The following PTPRD variants were observed in gnomAD, a reference collection of about 807,000 sequenced individuals.
PTPRD encodes the protein protein tyrosine phosphatase receptor type D.
A neutral mutation model predicts 214.5 loss-of-function variants in PTPRD; 34 were observed. The ratio of observed to expected loss-of-function variants is 0.16; its 90% CI spans 0.12 to 0.21. The LOEUF is 0.21. Ranked by LOEUF, PTPRD falls within the 10% of genes least tolerant of loss-of-function variation. The pLI, the probability that PTPRD is intolerant of heterozygous loss-of-function variation, is 1.00. For missense variants in PTPRD, 2,545 were observed against 2,398.7 expected (o/e 1.06, Z -1.27); for synonymous variants, 1,128 against 845.7 (o/e 1.33, Z -5.79).
Position 8,485,748 on chromosome 9 carries a change from C to G in PTPRD, c.3055+14G>C, listed in dbSNP as rs370939948. 1.9e-6 allele frequency: 3 copies of G among 1,595,888 alleles called. No homozygotes were observed. The highest frequency in any genetic ancestry group is 2.7e-5 in the African/African-American group (2 of 74,468). On this transcript the variant is annotated intron_variant, in intron 28 of 45. Transcript: ENST00000381196. ...TCCTTTAAAGGAGGAAGGCCGTAAG[C>G]AGACAAATCCTACCTTGATCCACAG...
intron 3 of PTPRD, among the ~76,000 whole-genome samples, chr9:10,225,958 A>G (rs1486155820): frequency 6.6e-6 from 1 of 152,026 alleles, no homozygotes; most frequent in Admixed American, 6.6e-5. Context: ...CTTATGCCAG[A>G]CCTTATGCTA....
intron 39 of PTPRD, among the ~76,000 whole-genome samples, chr9:8,368,087 G>A (rs775873658): frequency 3.9e-5 from 6 of 152,092 alleles, no homozygotes; most frequent in Non-Finnish European, 8.8e-5. Flanking sequence ...TATGTGCTAG[G>A]AGCCATCTCA....
rs945209381 is a variant in PTPRD, at chr9:9,208,299, C to A, written c.-202-24936G>T. 2.0e-5 allele frequency among the ~76,000 whole-genome samples: 3 copies of A among 151,802 alleles called. No individual in the cohort carries two copies. The East Asian group carries it at 5.9e-4, about 30-fold the overall frequency. On this transcript the variant is annotated intron_variant, in intron 9 of 45. Transcript: ENST00000381196. ...AAAGTGCTGGGATTACAGGCGTGAG[C>A]CACCAAGCCCCGCCATCTGCTTGTA...
Position 8,731,630 on chromosome 9 carries a change from AT to A in PTPRD, c.64+2149del, listed in dbSNP as rs1195919985. Among the ~76,000 whole-genome samples the A allele has an allele frequency of 2.0e-5, 3 of 152,344 alleles. No individual in the cohort carries two copies. In the East Asian group the frequency reaches 5.8e-4, roughly 29 times the overall value. ...CCTATTTTACCAATTGTTTTTAAAC[AT>A]TTTTAGTGACTAAAATGATATCTCC... On this transcript the variant is annotated intron_variant, in intron 12 of 45. Coordinates refer to ENST00000381196, the MANE Select transcript of PTPRD (RefSeq NM_002839.4).
chr9:10,252,707 T>TA (rs747128828), intron 3 of PTPRD, among the ~76,000 whole-genome samples: 118 of 152,322 alleles, frequency 7.7e-4, no homozygotes, highest in Non-Finnish European at 4.7e-4. Context: ...CATTATTTTT[T>TA]ACTTAAAAAA....
chr9:8,934,813 A>G (rs1016825385), intron 11 of PTPRD, among the ~76,000 whole-genome samples: 4 of 151,652 alleles, frequency 2.6e-5, no homozygotes, highest in African/African-American at 9.7e-5. Context: ...TACTCTCTGC[A>G]TCTGTATGTT....
intron 11 of PTPRD, among the ~76,000 whole-genome samples, chr9:8,828,340 C>T (rs1002819529): frequency 4.6e-5 from 7 of 152,124 alleles, no homozygotes; most frequent in African/African-American, 1.7e-4. Flanking sequence ...CCCTTGTGAA[C>T]AGGAATAGTG....
intron 7 of PTPRD, among the ~76,000 whole-genome samples, chr9:9,623,980 C>A (rs577371542): frequency 6.6e-6 from 1 of 152,120 alleles, no homozygotes; most frequent in South Asian, 2.1e-4. Context: ...TTTTGTGGGT[C>A]TGGAAACTCA....
At chr9:8,685,962 G>C (rs1270943159) in intron 12 of PTPRD, among the ~76,000 whole-genome samples, 2 of 152,174 alleles carry the variant, frequency 1.3e-5, no homozygotes, top group Non-Finnish European at 2.9e-5. Flanking sequence ...GCTTTCAGCG[G>C]CTCATTTTGA....
intron 9 of PTPRD, among the ~76,000 whole-genome samples, chr9:9,256,507 C>T (rs75498167): frequency 0.017 from 2,598 of 151,872 alleles, 64 homozygotes; most frequent in African/African-American, 0.05. Context: ...GCCCTAAACG[C>T]TGACCTAATA....
intron 3 of PTPRD, among the ~76,000 whole-genome samples, chr9:10,315,373 C>G (rs546191239): frequency 6.6e-6 from 1 of 151,954 alleles, no homozygotes; most frequent in South Asian, 2.1e-4. Flanking sequence ...GACCTAATAT[C>G]ATAAATGTCT....
At chr9:8,813,373 G>A (rs1253508635) in intron 11 of PTPRD, among the ~76,000 whole-genome samples, 1 of 152,150 alleles carries the variant, frequency 6.6e-6, no homozygotes, top group African/African-American at 2.4e-5. Context: ...GCTACAAACA[G>A]AATGCATCTT....
At chr9:10,086,593 A>G (rs976074401) in intron 3 of PTPRD, among the ~76,000 whole-genome samples, 2 of 151,838 alleles carry the variant, frequency 1.3e-5, no homozygotes, top group Non-Finnish European at 2.9e-5. Flanking sequence ...TTAGGCAAGC[A>G]AAGTGTTCCT....
In PTPRD at chr9:9,751,305, G is replaced by A. The variant is rs143429761; in HGVS notation, c.-326+15505C>T. 5.9e-5 allele frequency among the ~76,000 whole-genome samples: 9 copies of A among 152,176 alleles called. No homozygotes were observed. In the East Asian group the frequency reaches 1.5e-3, roughly 26 times the overall value. The stretch of plus-strand genomic sequence containing the variant: ...TTTAAATCACTGCTCAAAGCTTGGA[G>A]ACACTAAGAATTAACTCCAACAAGT... On this transcript the variant is annotated intron_variant, in intron 6 of 45. Coordinates refer to ENST00000381196, the MANE Select transcript of PTPRD (RefSeq NM_002839.4).
intron 5 of PTPRD, among the ~76,000 whole-genome samples, chr9:9,813,542 C>T (rs901125340): frequency 1.3e-5 from 2 of 151,914 alleles, no homozygotes; most frequent in Non-Finnish European, 2.9e-5. Context: ...TTCCAAGTAG[C>T]ATATAGCCTA....
intron 3 of PTPRD, among the ~76,000 whole-genome samples, chr9:10,056,185 G>C (rs1010420735): frequency 2.6e-5 from 4 of 151,892 alleles, no homozygotes; most frequent in African/African-American, 9.7e-5. Flanking sequence ...GGTAGACATG[G>C]TGGCATGTGC....
chr9:8,818,064 G>C lies in PTPRD; in HGVS notation c.-103-84118C>G, dbSNP rs151121762. ...AGGGCATTTTAGATAGAGTTAAATT[G>C]TAACTCTTGAATTTCAATTGAACTA... On this transcript the variant is annotated intron_variant, in intron 11 of 45. Coordinates refer to ENST00000381196, the MANE Select transcript of PTPRD (RefSeq NM_002839.4). Among the ~76,000 whole-genome samples, 7 of 152,254 alleles carry C rather than the reference G, an allele frequency of 4.6e-5. No homozygotes were observed. The East Asian group carries it at 1.4e-3, about 29-fold the overall frequency.
At position 8,389,425 on chromosome 9, in the gene PTPRD, T is replaced by G. The variant is rs368237950; in HGVS notation, c.4211-18A>C. 42 of 1,597,006 alleles carry G rather than the reference T, an allele frequency of 2.6e-5. No homozygotes were observed. The African/African-American group carries it at 5.5e-4, about 21-fold the overall frequency. ...TGGGATCCCTGGAAAACAAGGAGTGTTATTCAACCAGGTGAGCACATCACA... is the reference window on the plus strand; with the variant it reads ...TGGGATCCCTGGAAAACAAGGAGTGGTATTCAACCAGGTGAGCACATCACA... On this transcript the variant is annotated intron_variant, in intron 36 of 45. Coordinates refer to ENST00000381196, the MANE Select transcript of PTPRD (RefSeq NM_002839.4).
intron 11 of PTPRD, among the ~76,000 whole-genome samples, chr9:8,812,054 C>G (rs531329913): frequency 6.6e-6 from 1 of 152,100 alleles, no homozygotes; most frequent in South Asian, 2.1e-4. Flanking sequence ...GATACTTGAA[C>G]ATAAATAGCA....
Sources: allele counts gnomAD v4.1 joint callset (sites outside exome capture counted in the v4.1 genomes callset), GRCh38; gene constraint gnomAD v4.1.1; transcripts MANE v1.5; gene names NCBI Gene and HGNC (gene_info 2026-07-23, HGNC 2026-07-21).